The following RB1 variants were observed in gnomAD, a reference collection of about 807,000 sequenced individuals.
The protein encoded by RB1 is retinoblastoma-associated protein.
RB1 carries 18 observed loss-of-function variants against 135.4 expected under a neutral mutation model. The observed-to-expected ratio is 0.13, with a 90% CI of 0.09 to 0.20. The LOEUF (loss-of-function observed/expected upper bound fraction) is 0.20. Ranked by LOEUF, RB1 falls within the 10% of genes least tolerant of loss-of-function variation. RB1 has a pLI of 1.00. For synonymous variants in RB1, 365 were observed against 373.2 expected, an observed-to-expected ratio of 0.98 and a Z score of 0.25; for missense variants, 868 against 1,110.0, an observed-to-expected ratio of 0.78 and a Z score of 3.10.
At chr13:48,351,145 C>G (rs535235615) in intron 6 of RB1, among the ~76,000 whole-genome samples, 1 of 152,162 alleles carries the variant, frequency 6.6e-6, no homozygotes, top group East Asian at 1.9e-4. Flanking sequence ...TAGCTCTTTG[C>G]GGAATTGTCA....
intron 17 of RB1, among the ~76,000 whole-genome samples, chr13:48,405,823 C>CT: frequency 6.6e-6 from 1 of 152,170 alleles, no homozygotes; most frequent in East Asian, 1.9e-4. Context: ...TCCTGTGTTT[C>CT]TTTTTATAAA....
At chr13:48,386,081 C>T (rs1028624849) in intron 17 of RB1, among the ~76,000 whole-genome samples, 7 of 147,500 alleles carry the variant, frequency 4.7e-5, no homozygotes, top group Non-Finnish European at 1.0e-4. Context: ...GGCATGGTGG[C>T]ATGTTCCTGT....
rs552305366 is a variant in RB1, at chr13:48,318,775, T to C, written c.264+11369T>C. The C allele has an allele frequency of 5.9e-4, 422 of 716,546 alleles. 2 individuals are homozygous for C. In the Middle Eastern group the frequency reaches 9.7e-3, roughly 17 times the overall value. 44.4% of individuals were successfully genotyped at this position (716,546 alleles called of 1,614,324 possible). A position where few individuals can be genotyped will look rare whatever the true frequency, so the allele number is the denominator to read the frequency against. ...GCCTTGGGGCCACTGGTCTGGCTGT[T>C]GGGGCCAGGCGGTGAAAGTGGGCCC... On this transcript the variant is annotated intron_variant, in intron 2 of 26. Transcript: ENST00000267163.
At chr13:48,456,843 C>T (rs1949363789) in intron 19 of RB1, among the ~76,000 whole-genome samples, 1 of 152,264 alleles carries the variant, frequency 6.6e-6, no homozygotes, top group Non-Finnish European at 1.5e-5. Context: ...GCGGTTTCCA[C>T]AGCTGGCACT....
intron 17 of RB1, among the ~76,000 whole-genome samples, chr13:48,400,920 G>T (rs1241057109): frequency 6.6e-6 from 1 of 152,062 alleles, no homozygotes; most frequent in Non-Finnish European, 1.5e-5. Flanking sequence ...TAAGTACAGA[G>T]AATTTTTCTC....
chr13:48,318,712 T>G (rs1952208190), intron 2 of RB1: 3 of 630,144 alleles, frequency 4.8e-6, no homozygotes. Context: ...CGTTTCCTTT[T>G]GCAGCTCAGC....
Position 48,303,830 on chromosome 13 carries a change from A to G in RB1, c.-83A>G, listed in dbSNP as rs2138026506. 1 of 1,481,966 alleles carries G rather than the reference A, an allele frequency of 6.7e-7. No individual in the cohort carries two copies. The highest frequency in any genetic ancestry group is 1.5e-5 in the African/African-American group (1 of 68,180). 91.8% of individuals were successfully genotyped at this position (1,481,966 alleles called of 1,614,324 possible). A position where few individuals can be genotyped will look rare whatever the true frequency, so the allele number is the denominator to read the frequency against. On this transcript the variant is annotated 5_prime_UTR_variant, in exon 1 of 27. Coordinates refer to ENST00000267163, the MANE Select transcript of RB1 (RefSeq NM_000321.3). ...TTTTTGTAACGGGAGTCGGGAGAGG[A>G]CGGGGCGTGCCCCGACGTGCGCGCG...
intron 19 of RB1, among the ~76,000 whole-genome samples, chr13:48,457,934 A>G (rs761473010): frequency 1.3e-5 from 2 of 152,200 alleles, no homozygotes; most frequent in Non-Finnish European, 1.5e-5. Context: ...CCAAGTATAC[A>G]GAGATGCCTG....
At chr13:48,351,291 T>A (rs558896742) in intron 6 of RB1, among the ~76,000 whole-genome samples, 10 of 152,208 alleles carry the variant, frequency 6.6e-5, no homozygotes, top group Non-Finnish European at 1.5e-4. Flanking sequence ...TGGTGTGAGA[T>A]GATATCTCAT....
intron 6 of RB1, among the ~76,000 whole-genome samples, chr13:48,355,991 C>T (rs750618318): frequency 4.6e-5 from 7 of 151,896 alleles, no homozygotes; most frequent in Non-Finnish European, 8.8e-5. Context: ...ATGAATAAGA[C>T]TTTATAGCAC....
chr13:48,452,438 G>T (rs557056785), intron 17 of RB1, among the ~76,000 whole-genome samples: 1 of 151,892 alleles, frequency 6.6e-6, no homozygotes, highest in Non-Finnish European at 1.5e-5. Flanking sequence ...TTGTATTTTT[G>T]TAGTAATTTT....
At chr13:48,451,009 G>A (rs751275048) in intron 17 of RB1, among the ~76,000 whole-genome samples, 8 of 152,108 alleles carry the variant, frequency 5.3e-5, no homozygotes, top group African/African-American at 7.2e-5. Flanking sequence ...GAATGCTAGC[G>A]ATTATTGCAC....
At chr13:48,382,518 A>G (rs552136558) in intron 17 of RB1, among the ~76,000 whole-genome samples, 4,628 of 152,180 alleles carry the variant, frequency 0.03, 228 homozygotes, top group African/African-American at 0.1. Flanking sequence ...GTCTGTTCAT[A>G]TCTTTCACCC....
At chr13:48,346,397 TG>T (rs1952498498) in intron 4 of RB1, among the ~76,000 whole-genome samples, 1 of 151,050 alleles carries the variant, frequency 6.6e-6, no homozygotes, top group Non-Finnish European at 1.5e-5. Context: ...TGTGTGTGTG[TG>T]TGTGTGTGTG....
intron 4 of RB1, among the ~76,000 whole-genome samples, chr13:48,345,748 A>G (rs1284776576): frequency 6.6e-6 from 1 of 152,162 alleles, no homozygotes; most frequent in Non-Finnish European, 1.5e-5. Context: ...TTAATTTGGC[A>G]TATGTCTGTT....
At chr13:48,414,054 A>G (rs1479809567) in intron 17 of RB1, among the ~76,000 whole-genome samples, 2 of 152,080 alleles carry the variant, frequency 1.3e-5, no homozygotes, top group Non-Finnish European at 2.9e-5. Context: ...TTTAAAGTAT[A>G]CTCATATTTT....
intron 17 of RB1, chr13:48,411,942 C>G: frequency 6.2e-7 from 1 of 1,612,446 alleles, no homozygotes; most frequent in South Asian, 1.1e-5. Context: ...GGCATTGTTA[C>G]CCTGAGAGTG....
At chr13:48,387,464 T>C (rs1340169528) in intron 17 of RB1, among the ~76,000 whole-genome samples, 1 of 152,156 alleles carries the variant, frequency 6.6e-6, no homozygotes, top group Non-Finnish European at 1.5e-5. Flanking sequence ...TTGTATAAAT[T>C]CATTTATATG....
intron 16 of RB1, 53 bp downstream of exon 16, chr13:48,380,294 TG>T (rs1356702578): frequency 7.4e-6 from 10 of 1,358,972 alleles, no homozygotes; most frequent in Non-Finnish European, 1.0e-5. Context: ...AGTTAAAATG[TG>T]GTGTGTTTCT....
Sources: allele counts gnomAD v4.1 joint callset (sites outside exome capture counted in the v4.1 genomes callset), GRCh38; gene constraint gnomAD v4.1.1; transcripts MANE v1.5; gene names NCBI Gene and HGNC (gene_info 2026-07-23, HGNC 2026-07-21).